CDH13: variants seen among roughly 807,000 people sequenced by gnomAD.
CDH13 encodes cadherin-13.
Under a neutral mutation model 63.8 loss-of-function variants are expected in CDH13, and 24 were observed. The ratio of observed to expected loss-of-function variants is 0.38; its 90% CI spans 0.27 to 0.53. CDH13 has a LOEUF of 0.53. Among genes scored for constraint, CDH13 ranks in the 20% least tolerant of loss-of-function variants. CDH13 has a pLI of 0.85. For synonymous variants in CDH13, 503 were observed against 355.3 expected, an observed-to-expected ratio of 1.42 and a Z score of -4.67; for missense variants, 1,049 against 903.1, an observed-to-expected ratio of 1.16 and a Z score of -2.07.
At chr16:83,002,028 G>A (rs1346454272) in intron 2 of CDH13, among the ~76,000 whole-genome samples, 2 of 152,224 alleles carry the variant, frequency 1.3e-5, no homozygotes, top group Non-Finnish European at 2.9e-5. Context: ...CAACAAATGT[G>A]AACTGAGCAC....
At chr16:82,642,235 AC>A (rs1909498438) in intron 1 of CDH13, among the ~76,000 whole-genome samples, 2 of 152,126 alleles carry the variant, frequency 1.3e-5, no homozygotes, top group Non-Finnish European at 2.9e-5. Context: ...ATTGTTGTTG[AC>A]ACACAATAGA....
At chr16:83,153,569 C>T (rs2037081763) in intron 4 of CDH13, among the ~76,000 whole-genome samples, 1 of 152,178 alleles carries the variant, frequency 6.6e-6, no homozygotes, top group African/African-American at 2.4e-5. Flanking sequence ...GTTAGTTCAG[C>T]CTATGCCCAG....
intron 7 of CDH13, among the ~76,000 whole-genome samples, chr16:83,591,736 G>A (rs537017085): frequency 2.6e-5 from 4 of 152,294 alleles, no homozygotes; most frequent in Admixed American, 6.5e-5. Flanking sequence ...AGCTAACTTA[G>A]CACAGGCTGC....
chr16:83,677,040 C>A (rs1022713845), intron 9 of CDH13, among the ~76,000 whole-genome samples: 5 of 152,192 alleles, frequency 3.3e-5, no homozygotes, highest in African/African-American at 7.2e-5. Context: ...ATACCCATTA[C>A]GGCATGGGTC....
At position 83,242,050 on chromosome 16, in the gene CDH13, G is replaced by C. The variant is rs186081976; in HGVS notation, c.636+24553G>C. On this transcript the variant is annotated intron_variant, in intron 5 of 13. Coordinates refer to ENST00000567109, the MANE Select transcript of CDH13 (RefSeq NM_001257.5). ...TAAGGGTCTAAGTTCAGTTTTGCTT[G>C]TGGATATTCAGTTTTCCAAACACCA... Among the ~76,000 whole-genome samples the C allele has an allele frequency of 1.4e-3, 215 of 152,248 alleles. 1 individual carries two copies. Among genetic ancestry groups the C allele is most frequent in the Non-Finnish European group, 2.4e-3 (161 of 68,018 alleles).
intron 6 of CDH13, among the ~76,000 whole-genome samples, chr16:83,392,646 G>A (rs901208752): frequency 1.3e-5 from 2 of 152,166 alleles, no homozygotes; most frequent in East Asian, 1.9e-4. Context: ...CTGGGACCAC[G>A]TCTTCCCAAG....
chr16:83,626,723 C>G (rs569727303), intron 8 of CDH13, among the ~76,000 whole-genome samples: 2 of 152,238 alleles, frequency 1.3e-5, no homozygotes, highest in South Asian at 4.2e-4. Flanking sequence ...CAAAATAAAT[C>G]CTGCTGGAAG....
intron 6 of CDH13, among the ~76,000 whole-genome samples, chr16:83,455,294 C>A (rs2072992266): frequency 6.6e-6 from 1 of 152,154 alleles, no homozygotes; most frequent in African/African-American, 2.4e-5. Flanking sequence ...CCCTCTAAAC[C>A]TGCCCCTGAT....
At chr16:82,790,199 G>T (rs2151133849) in intron 1 of CDH13, among the ~76,000 whole-genome samples, 1 of 152,218 alleles carries the variant, frequency 6.6e-6, no homozygotes, top group East Asian at 1.9e-4. Flanking sequence ...CCCTTTGGGA[G>T]GCCGAGGCAG....
intron 7 of CDH13, among the ~76,000 whole-genome samples, chr16:83,548,013 A>G (rs1480404013): frequency 6.6e-6 from 1 of 152,034 alleles, no homozygotes; most frequent in Non-Finnish European, 1.5e-5. Flanking sequence ...CTTTTGAGAG[A>G]TTTCAGTGGG....
chr16:83,215,812 G>A (rs1409578965), intron 4 of CDH13, among the ~76,000 whole-genome samples: 1 of 152,054 alleles, frequency 6.6e-6, no homozygotes, highest in Admixed American at 6.6e-5. Context: ...TTATCTGTGT[G>A]TCCTGAATGA....
At chr16:82,991,123 C>T (rs1017040125) in intron 2 of CDH13, among the ~76,000 whole-genome samples, 1 of 152,170 alleles carries the variant, frequency 6.6e-6, no homozygotes, top group Non-Finnish European at 1.5e-5. Flanking sequence ...CCATCTTGCA[C>T]AATGGCCTTC....
chr16:82,718,055 G>T (rs1385801274), intron 1 of CDH13, among the ~76,000 whole-genome samples: 2 of 152,210 alleles, frequency 1.3e-5, no homozygotes, highest in Non-Finnish European at 2.9e-5. Context: ...TTGTGTGCAA[G>T]GTGTTTATTT....
At chr16:83,188,945 CCT>C (rs1179809608) in intron 4 of CDH13, among the ~76,000 whole-genome samples, 5 of 152,082 alleles carry the variant, frequency 3.3e-5, no homozygotes, top group African/African-American at 9.7e-5. Flanking sequence ...CTTCAGGAAG[CCT>C]CTGTTTTTAA....
intron 5 of CDH13, among the ~76,000 whole-genome samples, chr16:83,285,646 G>C (rs983131295): frequency 2.0e-5 from 3 of 152,146 alleles, no homozygotes; most frequent in Non-Finnish European, 4.4e-5. Context: ...GATGTTGGAA[G>C]GGTGTTCATA....
chr16:82,689,982 TAAAAAAAAAAAAAAAA>T (rs71146085), intron 1 of CDH13, among the ~76,000 whole-genome samples: 10 of 15,772 alleles, frequency 6.3e-4, no homozygotes, highest in African/African-American at 1.4e-3. Flanking sequence ...CCATCTCTAC[TAAAAAAAAAAAAAAAA>T]AAAAAAAAAA....
At chr16:82,933,485 G>T (rs1449364821) in intron 2 of CDH13, among the ~76,000 whole-genome samples, 1 of 152,162 alleles carries the variant, frequency 6.6e-6, no homozygotes, top group Non-Finnish European at 1.5e-5. Flanking sequence ...TGGGGACACA[G>T]AACCAGACCA....
intron 1 of CDH13, among the ~76,000 whole-genome samples, chr16:82,807,722 G>A (rs549158120): frequency 6.6e-6 from 1 of 152,272 alleles, no homozygotes; most frequent in Admixed American, 6.5e-5. Flanking sequence ...GAGGATGAAA[G>A]AAGCAGTTAA....
At chr16:82,831,187 C>T (rs1352302988) in intron 1 of CDH13, among the ~76,000 whole-genome samples, 1 of 152,114 alleles carries the variant, frequency 6.6e-6, no homozygotes, top group African/African-American at 2.4e-5. Context: ...GATTTGCATA[C>T]ACAGTGGCAT....
Sources: gnomAD v4.1 joint callset for allele counts (sites outside exome capture counted in the v4.1 genomes callset) on GRCh38, gnomAD v4.1.1 for gene constraint, MANE v1.5 for transcripts, NCBI Gene and HGNC (gene_info 2026-07-23, HGNC 2026-07-21) for gene names.